The following SHC2 variants were observed in gnomAD, a reference collection of about 807,000 sequenced individuals.
The protein encoded by SHC2 is SHC-transforming protein 2.
In SHC2, 62 loss-of-function variants were observed where a neutral mutation model predicts 60.6. The observed-to-expected ratio is 1.02, with a 90% CI of 0.83 to 1.26. The LOEUF (loss-of-function observed/expected upper bound fraction) is 1.26. Ranked by LOEUF, SHC2 falls within the 50% of genes most tolerant of loss-of-function variation. The probability of loss-of-function intolerance (pLI) is 0.00; values close to 1 mark genes in which losing one functional copy is unlikely to be tolerated. For synonymous variants in SHC2, 375 were observed against 372.4 expected (o/e 1.01, Z -0.08); for missense variants, 873 against 822.2 (o/e 1.06, Z -0.76).
rs1222060500 is a variant in SHC2, at chr19:440,877, C to T, written c.524G>A (p.Arg175His). The change falls in exon 2 of 13, where the codon CGC (arginine) becomes CAC (histidine). Residue 175 changes from arginine to histidine, a missense_variant. Physicochemically the swap from Arg to His is conservative, Grantham distance 29 (BLOSUM62 0). Transcript: ENST00000264554. This position sits in a 1 kb window ranked among gnomAD's most constrained non-coding sequence, Gnocchi z 7.0. ...RSMRSLDFNT[R>H]TQVTREAINR... is the part of the protein sequence containing the mutation. ...GGAGGCTCACCTGGTCACCTGCGTG[C>T]GCGTGTTAAAGTCCAGGGAGCGCAT... is the stretch of plus-strand genomic sequence containing the variant. 4 of 1,612,594 alleles carry T rather than the reference C, an allele frequency of 2.5e-6. No individual in the cohort carries two copies. Among genetic ancestry groups the T allele is most frequent in the African/African-American group, 1.3e-5 (1 of 74,924 alleles).
chr19:434,524 G>T (rs894720576), intron 8 of SHC2, among the ~76,000 whole-genome samples, 185 bp downstream of exon 8: 2 of 45,886 alleles, frequency 4.4e-5, no homozygotes, highest in Admixed American at 2.3e-4. Context: ...GAGCCTGTGA[G>T]ATTGTGAGTG....
At chr19:450,118 G>A (rs569765185) in intron 1 of SHC2, among the ~76,000 whole-genome samples, 30 of 152,266 alleles carry the variant, frequency 2.0e-4, no homozygotes, top group African/African-American at 6.7e-4. Flanking sequence ...TGGGGGTGCC[G>A]CGGAAATGTG....
At position 441,116 on chromosome 19, in the gene SHC2, G is replaced by T; in HGVS notation, c.469-184C>A. 1.0e-6 allele frequency: 1 copy of T among 984,944 alleles called. No individual in the cohort carries two copies. Among genetic ancestry groups the T allele is most frequent in the South Asian group, 4.7e-5 (1 of 21,234 alleles). The allele number at this position is 984,944 out of a possible 1,614,324, so 61.0% of individuals were successfully genotyped here. A position where few individuals can be genotyped will look rare whatever the true frequency, so the allele number is the denominator to read the frequency against. ...GCCCAGCCTTGACACTGTCCTGCGA[G>T]CCGCCCCCTCTGACTCCAGGCATGT... On this transcript the variant is annotated intron_variant, in intron 1 of 12. Transcript: ENST00000264554. The surrounding 1 kb of genome is among the most constrained non-coding windows in gnomAD (Gnocchi z 4.9).
rs139279875 is a variant in SHC2, at chr19:425,131, C to T, written c.1275G>A (p.Pro425=). The T allele has an allele frequency of 1.6e-3, 2,243 of 1,403,232 alleles. 25 individuals are homozygous for T. In the African/African-American group the frequency reaches 0.03, roughly 18 times the overall value. 86.9% of individuals were successfully genotyped at this position (1,403,232 alleles called of 1,614,324 possible). The change falls in exon 10 of 13, where the codon CCG becomes CCA. Residue 425 remains proline, a synonymous_variant. Coordinates refer to ENST00000264554, the MANE Select transcript of SHC2 (RefSeq NM_012435.3). This position sits in a 1 kb window ranked among gnomAD's most constrained non-coding sequence, Gnocchi z 4.1. ...VNTQGLDAPE[P]EDSPKKDLFD... ...ACAGATCCTTTTTGGGGCTGTCCTC[C>T]GGCTCGGGGGCGTCCAGACCCTGGG...
chr19:435,890 A>C, intron 7 of SHC2: 1 of 404,464 alleles, frequency 2.5e-6, no homozygotes, highest in Non-Finnish European at 4.6e-6. Context: ...TGGAGGAGGG[A>C]TATTGGTTGT....
chr19:426,076 A>G (rs1368083387), intron 9 of SHC2, among the ~76,000 whole-genome samples: 1 of 151,212 alleles, frequency 6.6e-6, no homozygotes, highest in Non-Finnish European at 1.5e-5. Context: ...CCGGAACAGC[A>G]TCGCAGGTAA....
intron 1 of SHC2, among the ~76,000 whole-genome samples, chr19:455,827 C>G (rs1975329473): frequency 6.6e-6 from 1 of 152,148 alleles, no homozygotes; most frequent in Non-Finnish European, 1.5e-5. Flanking sequence ...CTCTTCCGGT[C>G]TCTCTCTGAC....
Position 425,503 on chromosome 19 carries a change from G to A in SHC2, c.1175-272C>T, listed in dbSNP as rs1332228348. On this transcript the variant is annotated intron_variant, in intron 9 of 12. Coordinates refer to ENST00000264554, the MANE Select transcript of SHC2 (RefSeq NM_012435.3). This position sits in a 1 kb window ranked among gnomAD's most constrained non-coding sequence, Gnocchi z 4.1. ...TGTGGGCACCAGACGTCCACGCCCAGGGAGAAGGCAGCCGCTGCTCCACCC... is the reference window on the plus strand; with the variant it reads ...TGTGGGCACCAGACGTCCACGCCCAAGGAGAAGGCAGCCGCTGCTCCACCC... 6.6e-6 allele frequency among the ~76,000 whole-genome samples: 1 copy of A among 152,192 alleles called. No individual in the cohort carries two copies. The highest frequency in any genetic ancestry group is 2.4e-5 in the African/African-American group (1 of 41,450).
At chr19:443,888 GGGTGGGTGGATGGATGGAT>G in intron 1 of SHC2, among the ~76,000 whole-genome samples, 1 of 148,950 alleles carries the variant, frequency 6.7e-6, no homozygotes, top group Non-Finnish European at 1.5e-5. Flanking sequence ...GTAGGTGGAT[GGGTGGGTGGATGGATGGAT>G]GGGTGGGTGG....
At chr19:455,850 C>T (rs547736957) in intron 1 of SHC2, among the ~76,000 whole-genome samples, 1 of 152,226 alleles carries the variant, frequency 6.6e-6, no homozygotes, top group East Asian at 1.9e-4. Context: ...TCACCCCCTG[C>T]TGCGAGGACA....
At position 445,398 on chromosome 19, in the gene SHC2, G is replaced by A. The variant is rs1418116011; in HGVS notation, c.469-4466C>T. 2.0e-5 allele frequency among the ~76,000 whole-genome samples: 3 copies of A among 152,142 alleles called. No homozygotes were observed. The highest frequency in any genetic ancestry group is 3.9e-4 in the East Asian group (2 of 5,184). ...GCCCTCGCCAGACACTGAATCTTCC[G>A]GCGCCTCGATCGTGGCCCTCCCAGC... On this transcript the variant is annotated intron_variant, in intron 1 of 12. Transcript: ENST00000264554. The surrounding 1 kb of genome is among the most constrained non-coding windows in gnomAD (Gnocchi z 4.4).
At chr19:426,344 G>A (rs1248612346) in intron 9 of SHC2, among the ~76,000 whole-genome samples, 3 of 151,010 alleles carry the variant, frequency 2.0e-5, no homozygotes, top group Admixed American at 1.3e-4. Flanking sequence ...AGTCCGGGGA[G>A]GGAGGACGAC....
chr19:458,021 G>A (rs1346084151), intron 1 of SHC2, among the ~76,000 whole-genome samples: 2 of 137,840 alleles, frequency 1.5e-5, no homozygotes, highest in African/African-American at 5.0e-5. Flanking sequence ...GGGTCTTGGG[G>A]AGGCGGAAGT....
intron 9 of SHC2, among the ~76,000 whole-genome samples, chr19:429,789 C>G (rs988045009): frequency 1.4e-5 from 2 of 144,078 alleles, no homozygotes; most frequent in African/African-American, 5.2e-5. Flanking sequence ...AGTACCTATA[C>G]CCAACATGCA....
chr19:424,505 G>C lies in SHC2; in HGVS notation c.1309+592C>G, dbSNP rs115788676. The stretch of plus-strand genomic sequence containing the variant: ...GGCCAGGCAGTCGTCCCAGCAGGCC[G>C]GGATTCCCACAGAGAAAAGACGAGG... On this transcript the variant is annotated intron_variant, in intron 10 of 12. Transcript: ENST00000264554. This position sits in a 1 kb window ranked among gnomAD's most constrained non-coding sequence, Gnocchi z 4.5. Among the ~76,000 whole-genome samples the C allele has an allele frequency of 1.3e-5, 2 of 152,180 alleles. No homozygotes were observed. The highest frequency in any genetic ancestry group is 2.9e-5 in the Non-Finnish European group (2 of 68,044).
At chr19:442,953 G>A (rs1335111582) in intron 1 of SHC2, among the ~76,000 whole-genome samples, 135 of 144,268 alleles carry the variant, frequency 9.4e-4, no homozygotes, top group Non-Finnish European at 1.2e-3. Flanking sequence ...GTGAATGGAT[G>A]GATGGACGGG....
chr19:430,788 C>A (rs144172069), intron 8 of SHC2, 41 bp from the exon 9 acceptor site: 57 of 1,592,502 alleles, frequency 3.6e-5, no homozygotes, highest in Non-Finnish European at 4.8e-5. Context: ...TGTGTGCAAG[C>A]CCCTCTTCCT....
In SHC2 at chr19:446,183, G is replaced by A. The variant is rs1975046651; in HGVS notation, c.469-5251C>T. Among the ~76,000 whole-genome samples, 1 of 152,282 alleles carries A rather than the reference G, an allele frequency of 6.6e-6. No homozygotes were observed. Among genetic ancestry groups the A allele is most frequent in the South Asian group, 2.1e-4 (1 of 4,818 alleles). ...CACCAGACACGGGAGAGAGGCCTGG[G>A]ACAGAGCCTCCCTCAGAGCCTCCAG... On this transcript the variant is annotated intron_variant, in intron 1 of 12. Coordinates refer to ENST00000264554, the MANE Select transcript of SHC2 (RefSeq NM_012435.3). The surrounding 1 kb of genome is among the most constrained non-coding windows in gnomAD (Gnocchi z 5.4).
At chr19:429,043 A>G (rs1314320355) in intron 9 of SHC2, among the ~76,000 whole-genome samples, 1 of 151,000 alleles carries the variant, frequency 6.6e-6, no homozygotes, top group African/African-American at 2.4e-5. Flanking sequence ...TGGATGACGC[A>G]GTACCTATAT....
Sources: allele counts gnomAD v4.1 joint callset (sites outside exome capture counted in the v4.1 genomes callset), GRCh38; gene constraint gnomAD v4.1.1; non-coding constraint Gnocchi (gnomAD v3.1); transcripts MANE v1.5; gene names NCBI Gene and HGNC (gene_info 2026-07-23, HGNC 2026-07-21).